MROH7: variants seen among roughly 807,000 people sequenced by gnomAD.
MROH7 encodes maestro heat like repeat family member 7, also known as maestro heat-like repeat-containing protein family member 7.
In MROH7, 113 loss-of-function variants were observed where a neutral mutation model predicts 129.2. The observed-to-expected ratio is 0.87, with a 90% confidence interval of 0.75 to 1.02. The LOEUF (loss-of-function observed/expected upper bound fraction) is 1.02, where lower values mean the gene tolerates loss of function less well. Ranked by LOEUF, MROH7 falls within the 50% of genes least tolerant of loss-of-function variation. MROH7 has a pLI of 0.00. For missense variants in MROH7, 1,601 were observed against 1,671.3 expected (o/e 0.96, Z 0.73); for synonymous variants, 655 against 667.9 (o/e 0.98, Z 0.30).
At chr1:54,658,409 T>C (rs2101078320) in intron 3 of MROH7, among the ~76,000 whole-genome samples, 1 of 152,338 alleles carries the variant, frequency 6.6e-6, no homozygotes, top group Admixed American at 6.5e-5. Flanking sequence ...TCAGGAAGTA[T>C]GAGTCCTCCA....
At chr1:54,670,613 T>C (rs1257221984) in intron 6 of MROH7, 37 bp downstream of exon 6, 3 of 1,575,372 alleles carry the variant, frequency 1.9e-6, no homozygotes, top group African/African-American at 1.4e-5. Flanking sequence ...ACAGCCCCTC[T>C]CCTCTCTTCC....
chr1:54,647,072 G>T (rs1463497418), intron 1 of MROH7, among the ~76,000 whole-genome samples: 1 of 152,048 alleles, frequency 6.6e-6, no homozygotes, highest in African/African-American at 2.4e-5. Context: ...TTCCACCTTT[G>T]GCTCTCATAA....
At chr1:54,702,298 G>C in intron 20 of MROH7, 53 bp downstream of exon 20, 1 of 1,351,170 alleles carries the variant, frequency 7.4e-7, no homozygotes, top group Non-Finnish European at 9.6e-7. Context: ...TCCTGTGGGC[G>C]CACCTCTTTT....
intron 3 of MROH7, among the ~76,000 whole-genome samples, chr1:54,658,184 A>G (rs951429421): frequency 6.6e-5 from 10 of 152,138 alleles, no homozygotes; most frequent in Non-Finnish European, 4.4e-5. Flanking sequence ...TAACGACTTC[A>G]TTCTTTTGCA....
intron 3 of MROH7, among the ~76,000 whole-genome samples, chr1:54,660,771 C>T (rs927352016): frequency 6.6e-6 from 1 of 151,848 alleles, no homozygotes; most frequent in African/African-American, 2.4e-5. Context: ...GCTGAGATTG[C>T]ACCATTGCAC....
intron 3 of MROH7, among the ~76,000 whole-genome samples, chr1:54,656,628 G>T (rs1159074339): frequency 6.6e-6 from 1 of 151,482 alleles, no homozygotes; most frequent in Non-Finnish European, 1.5e-5. Context: ...TTTGAGACCA[G>T]CCTGGCCAAC....
intron 17 of MROH7, chr1:54,697,935 C>G: frequency 2.3e-6 from 1 of 427,656 alleles, no homozygotes; most frequent in Non-Finnish European, 4.2e-6. Context: ...CCCACCATTC[C>G]CTGGACTCCT....
In MROH7 at chr1:54,700,385, G is replaced by A; in HGVS notation, c.3029G>A (p.Gly1010Asp). ...EEYSLGRMAE[G>D]LSHHDPIMKV... is the part of the protein sequence containing the mutation. ...TACTCTCTGGGGCGGATGGCAGAAGGCCTGAGCCACCACGACCCCATCATG... is the reference window on the plus strand; with the variant it reads ...TACTCTCTGGGGCGGATGGCAGAAGACCTGAGCCACCACGACCCCATCATG... The change falls in exon 18 of 24, where the codon GGC (glycine) becomes GAC (aspartate). Residue 1010 changes from glycine to aspartate, a missense_variant. Transcript: ENST00000421030. 6.2e-7 allele frequency: 1 copy of A among 1,614,082 alleles called. No individual in the cohort carries two copies. The highest frequency in any genetic ancestry group is 1.3e-5 in the African/African-American group (1 of 75,064).
At chr1:54,671,497 A>G (rs1644903895) in intron 7 of MROH7, among the ~76,000 whole-genome samples, 1 of 152,224 alleles carries the variant, frequency 6.6e-6, no homozygotes, top group South Asian at 2.1e-4. Context: ...GGAAGCGGCC[A>G]GGATTGGGAG....
chr1:54,692,517 G>A lies in MROH7; in HGVS notation c.2805G>A (p.Met935Ile), dbSNP rs1455610200. Residue 935 changes from methionine to isoleucine, a missense_variant, in exon 16 of 24, where the codon ATG becomes ATA. Met to Ile is a conservative substitution (Grantham distance 10). Transcript: ENST00000421030. ...AGGACCAGGGTGGCTGGGAGCTCATGGAGCAGGTGGAGAGCCACCACCGCG... is the reference window on the plus strand; with the variant it reads ...AGGACCAGGGTGGCTGGGAGCTCATAGAGCAGGTGGAGAGCCACCACCGCG... Reference protein sequence around the residue: ...FLEDQGGWELMEQVESHHRGV... With the variant: ...FLEDQGGWELIEQVESHHRGV... 1 of 1,613,866 alleles carries A rather than the reference G, an allele frequency of 6.2e-7. No homozygotes were observed. Among genetic ancestry groups the A allele is most frequent in the Non-Finnish European group, 8.5e-7 (1 of 1,180,024 alleles).
intron 1 of MROH7, among the ~76,000 whole-genome samples, chr1:54,650,867 G>T (rs1644543615): frequency 6.6e-6 from 1 of 152,032 alleles, no homozygotes; most frequent in Non-Finnish European, 1.5e-5. Context: ...GAGACGGCAG[G>T]CACATGCCAC....
At chr1:54,663,166 C>G (rs980656016) in intron 3 of MROH7, among the ~76,000 whole-genome samples, 1 of 151,952 alleles carries the variant, frequency 6.6e-6, no homozygotes, top group African/African-American at 2.4e-5. Flanking sequence ...TGTGAATATC[C>G]CATTCCTCAT....
rs866683172 is a variant in MROH7 at position 54,665,208 on chromosome 1, G to A, written c.1273G>A (p.Glu425Lys). ...EVTSCLVKVP[E>K]KTEGGNNMAL... ...GACCTCATGCCTGGTGAAGGTGCCA[G>A]AGAAGACAGAAGGTGGCAACAACAT... Residue 425 changes from glutamate to lysine, a missense_variant, in exon 4 of 24, where the codon GAG (glutamate) becomes AAG (lysine). Physicochemically the swap from Glu to Lys is moderately conservative, Grantham distance 56 (BLOSUM62 1). Coordinates refer to ENST00000421030, the MANE Select transcript of MROH7 (RefSeq NM_001039464.4). 6.8e-6 allele frequency: 11 copies of A among 1,613,960 alleles called. No homozygotes were observed. Among genetic ancestry groups the A allele is most frequent in the Non-Finnish European group, 9.3e-6 (11 of 1,179,954 alleles).
intron 3 of MROH7, among the ~76,000 whole-genome samples, chr1:54,663,464 C>A (rs747651839): frequency 8.5e-5 from 13 of 152,172 alleles, no homozygotes; most frequent in Non-Finnish European, 1.9e-4. Context: ...CCTCTGCCTT[C>A]TGGGTTCAAG....
chr1:54,673,500 T>C (rs560178316), intron 8 of MROH7, among the ~76,000 whole-genome samples: 1 of 152,290 alleles, frequency 6.6e-6, no homozygotes, highest in Non-Finnish European at 1.5e-5. Flanking sequence ...TGTCTCCTCA[T>C]TGACTTCCTT....
intron 17 of MROH7, among the ~76,000 whole-genome samples, chr1:54,696,659 CTTTTTTTTTTTTT>C (rs1157748080): frequency 2.1e-3 from 138 of 66,904 alleles, no homozygotes; most frequent in African/African-American, 8.4e-3. Flanking sequence ...AATTTCCTTA[CTTTTTTTTTTTTT>C]TTTTTTTTTT....
chr1:54,684,964 G>T (rs1209955999), intron 14 of MROH7, among the ~76,000 whole-genome samples: 1 of 151,870 alleles, frequency 6.6e-6, no homozygotes, highest in South Asian at 2.1e-4. Flanking sequence ...CTTTCACTTT[G>T]CAATTAAATG....
At chr1:54,706,386 A>G in intron 21 of MROH7, 49 bp from the exon 22 acceptor site, 1 of 1,398,200 alleles carries the variant, frequency 7.2e-7, no homozygotes, top group Non-Finnish European at 1.0e-6. Context: ...TGGATGGGCA[A>G]TTGGTTCCTC....
intron 14 of MROH7, among the ~76,000 whole-genome samples, chr1:54,683,573 T>C (rs1453129450): frequency 6.6e-6 from 1 of 152,230 alleles, no homozygotes; most frequent in Admixed American, 6.5e-5. Context: ...ACATCTCCTC[T>C]TCTCAGCACC....
Sources: allele counts gnomAD v4.1 joint callset (sites outside exome capture counted in the v4.1 genomes callset), GRCh38; gene constraint gnomAD v4.1.1; transcripts MANE v1.5; gene names NCBI Gene and HGNC (gene_info 2026-07-23, HGNC 2026-07-21).